BAZ1B: variants seen among roughly 807,000 people sequenced by gnomAD.
BAZ1B encodes tyrosine-protein kinase BAZ1B.
Under a neutral mutation model 153.8 loss-of-function variants are expected in BAZ1B, and 22 were observed. The ratio of observed to expected loss-of-function variants is 0.14; its 90% CI spans 0.10 to 0.20. The LOEUF is 0.20. Ranked by LOEUF, BAZ1B falls within the 10% of genes least tolerant of loss-of-function variation. The pLI is 1.00. For missense variants in BAZ1B, 1,325 were observed against 1,799.3 expected, an observed-to-expected ratio of 0.74 and a Z score of 4.77; for synonymous variants, 676 against 633.4, an observed-to-expected ratio of 1.07 and a Z score of -1.01.
intron 13 of BAZ1B, among the ~76,000 whole-genome samples, chr7:73,458,139 T>C (rs181993834): frequency 2.6e-5 from 4 of 152,318 alleles, no homozygotes; most frequent in African/African-American, 4.8e-5. Flanking sequence ...GAAGTGAGAA[T>C]AGTCTCGTGG....
At chr7:73,445,872 A>C (rs1218253935) in intron 16 of BAZ1B, among the ~76,000 whole-genome samples, 1 of 151,882 alleles carries the variant, frequency 6.6e-6, no homozygotes, top group Non-Finnish European at 1.5e-5. Context: ...CCGCTCCGCC[A>C]AAAAAAATAT....
chr7:73,469,548 T>C lies in BAZ1B; in HGVS notation c.2835A>G (p.Thr945=). 2 of 1,614,210 alleles carry C rather than the reference T, an allele frequency of 1.2e-6. No individual in the cohort carries two copies. The highest frequency in any genetic ancestry group is 1.7e-6 in the Non-Finnish European group (2 of 1,180,032). ...GACAGTAATCCTCATCACCAGAGAC[T>C]GTGTGGTCTTTGCAGTGATGGTTGA... ...YRFNHHCKDH[T]VSGDEDYCPR... is the part of the protein sequence containing the mutation. The change falls in exon 9 of 20, where the codon ACA becomes ACG. Residue 945 remains threonine, a synonymous_variant. Coordinates refer to ENST00000339594, the MANE Select transcript of BAZ1B (RefSeq NM_032408.4).
chr7:73,515,097 TCA>T (rs782743453), intron 1 of BAZ1B, among the ~76,000 whole-genome samples: 3 of 152,006 alleles, frequency 2.0e-5, no homozygotes, highest in Non-Finnish European at 2.9e-5. Flanking sequence ...ACCTCCAAAC[TCA>T]CACAATCACG....
chr7:73,457,175 G>A (rs960677199), intron 13 of BAZ1B, among the ~76,000 whole-genome samples: 1 of 151,706 alleles, frequency 6.6e-6, no homozygotes, highest in African/African-American at 2.4e-5. Context: ...TGGCTTTTTT[G>A]GTTGTTTTTC....
intron 12 of BAZ1B, among the ~76,000 whole-genome samples, chr7:73,461,482 G>A (rs1035549767): frequency 6.6e-6 from 1 of 152,042 alleles, no homozygotes; most frequent in Admixed American, 6.5e-5. Flanking sequence ...GGCAATTAAT[G>A]AACATTTGCT....
At chr7:73,443,874 A>G in intron 17 of BAZ1B, 110 bp downstream of exon 17, 1 of 1,524,218 alleles carries the variant, frequency 6.6e-7, no homozygotes, top group South Asian at 1.2e-5. Flanking sequence ...TTTGGTAAGA[A>G]GGAGGAGGGG....
chr7:73,520,061 T>C (rs1171101730), intron 1 of BAZ1B, among the ~76,000 whole-genome samples: 1 of 151,870 alleles, frequency 6.6e-6, no homozygotes, highest in Non-Finnish European at 1.5e-5. Context: ...CACAAAAAGT[T>C]AGCCGGGCGT....
At chr7:73,462,856 C>T in intron 12 of BAZ1B, 66 bp downstream of exon 12, 4 of 1,551,898 alleles carry the variant, frequency 2.6e-6, no homozygotes, top group Non-Finnish European at 3.6e-6. Context: ...TCAAGAACAG[C>T]ACCAGGGAAG....
At chr7:73,452,950 T>C (rs1480785956) in intron 13 of BAZ1B, among the ~76,000 whole-genome samples, 6 of 152,098 alleles carry the variant, frequency 3.9e-5, no homozygotes, top group African/African-American at 1.4e-4. Context: ...AAACAATATA[T>C]CAGTCTTTTC....
chr7:73,484,328 C>G (rs1256570852), intron 6 of BAZ1B, among the ~76,000 whole-genome samples: 2 of 151,710 alleles, frequency 1.3e-5, no homozygotes, highest in African/African-American at 2.4e-5. Context: ...GACAGACAGA[C>G]AGACAGACAG....
rs781829559 is a variant in BAZ1B, at chr7:73,469,614, G to T, written c.2769C>A (p.Phe923Leu). 6.2e-6 allele frequency: 10 copies of T among 1,614,074 alleles called. No individual in the cohort carries two copies. The highest frequency in any genetic ancestry group is 1.1e-5 in the South Asian group (1 of 91,082). Residue 923 changes from phenylalanine (F) to leucine (L), a missense_variant, in exon 9 of 20, where the codon TTC becomes TTA. By Grantham distance (22) the Phe-to-Leu change is conservative. Coordinates refer to ENST00000339594, the MANE Select transcript of BAZ1B (RefSeq NM_032408.4). ...TGTCATGTACCCAGCCTTTTTCAAT[G>T]AATAATCCTGGAACTTCATCTGAGA... ...WLFSDEVPGLFIEKGWVHDSI... is the reference protein window; with the variant it reads ...WLFSDEVPGLLIEKGWVHDSI...
Position 73,492,907 on chromosome 7 carries a change from T to G in BAZ1B, c.586A>C (p.Arg196=). ...RRESINDRAR[R]SPRKLPTSLK... ...GAAGTAGGAAGTTTTCGTGGCGATC[T>G]ACGTGCTCTGTCATCTAGTCAAATC... is the stretch of plus-strand genomic sequence containing the variant. Residue 196 remains arginine, a synonymous_variant, in exon 5 of 20, where the codon AGA becomes CGA. Coordinates refer to ENST00000339594, the MANE Select transcript of BAZ1B (RefSeq NM_032408.4). The G allele has an allele frequency of 6.2e-7, 1 of 1,605,972 alleles. No individual in the cohort carries two copies.
intron 3 of BAZ1B, among the ~76,000 whole-genome samples, chr7:73,507,908 T>C (rs377162415): frequency 1.2e-4 from 18 of 152,232 alleles, no homozygotes; most frequent in South Asian, 2.1e-4. Context: ...CTTATAATAA[T>C]TGATGGGAGG....
At position 73,478,221 on chromosome 7, in the gene BAZ1B, C is replaced by T; in HGVS notation, c.1240G>A (p.Gly414Arg). 1 of 1,614,140 alleles carries T rather than the reference C, an allele frequency of 6.2e-7. No individual in the cohort carries two copies. Among genetic ancestry groups the T allele is most frequent in the Non-Finnish European group, 8.5e-7 (1 of 1,180,024 alleles). The change falls in exon 7 of 20, where the codon GGA becomes AGA. Residue 414 changes from glycine (G) to arginine (R), a missense_variant. By Grantham distance (125) the Gly-to-Arg change is moderately radical. Transcript: ENST00000339594. ...AKGRSKGILN[G>R]QKSTGNSKSP... ...TTGGAATTCCCTGTGGATTTCTGTC[C>T]ATTCAGGATGCCTTTGCTTCTGCCC...
At chr7:73,490,395 CA>C (rs1563389034) in intron 5 of BAZ1B, among the ~76,000 whole-genome samples, 1 of 152,032 alleles carries the variant, frequency 6.6e-6, no homozygotes, top group East Asian at 1.9e-4. Context: ...GGAAGGAATA[CA>C]AAAAAATTTT....
At chr7:73,476,149 C>A (rs1379510523) in intron 7 of BAZ1B, among the ~76,000 whole-genome samples, 2 of 152,016 alleles carry the variant, frequency 1.3e-5, no homozygotes, top group East Asian at 3.9e-4. Context: ...TTGCTCAGGG[C>A]TGGGGAGGAT....
In BAZ1B at chr7:73,453,263, C is replaced by T. The variant is rs545112953; in HGVS notation, c.3433-2269G>A. Among the ~76,000 whole-genome samples the T allele has an allele frequency of 2.4e-4, 36 of 152,368 alleles. No homozygotes were observed. The South Asian group carries it at 7.0e-3, about 30-fold the overall frequency. On this transcript the variant is annotated intron_variant, in intron 13 of 19. Coordinates refer to ENST00000339594, the MANE Select transcript of BAZ1B (RefSeq NM_032408.4). ...ACTGCTGAACTACTTAGTAGGCAAC[C>T]TAGTTGATTTTCCAAGAAACTCTTC...
At chr7:73,454,911 A>G (rs1401323295) in intron 13 of BAZ1B, among the ~76,000 whole-genome samples, 5 of 151,684 alleles carry the variant, frequency 3.3e-5, no homozygotes, top group Admixed American at 1.3e-4. Flanking sequence ...GCTGGAGTGC[A>G]CTGGTGCGAT....
rs979137204 is a variant in BAZ1B at position 73,449,392 on chromosome 7, T to G, written c.3728+150A>C. ...AAAATTAGCTCAGAGTCCTTTGAGC[T>G]CCTATTGAAGTACTGTAAATGATCA... On this transcript the variant is annotated intron_variant, in intron 15 of 19. Transcript: ENST00000339594. 6 of 882,404 alleles carry G rather than the reference T, an allele frequency of 6.8e-6. No homozygotes were observed. In the Admixed American group the frequency reaches 1.1e-4, roughly 16 times the overall value. 54.7% of individuals were successfully genotyped at this position (882,404 alleles called of 1,614,324 possible).
Sources: allele counts gnomAD v4.1 joint callset (sites outside exome capture counted in the v4.1 genomes callset), GRCh38; gene constraint gnomAD v4.1.1; transcripts MANE v1.5; gene names NCBI Gene and HGNC (gene_info 2026-07-23, HGNC 2026-07-21).